MAML2: variants seen among roughly 807,000 people sequenced by gnomAD.
MAML2 encodes mastermind like transcriptional coactivator 2, also known as mastermind-like protein 2.
Under a neutral mutation model 96.1 loss-of-function variants are expected in MAML2, and 22 were observed. That is an observed-to-expected ratio of 0.23 (90% CI 0.16 to 0.33). The LOEUF (loss-of-function observed/expected upper bound fraction) is 0.33, where lower values mean the gene tolerates loss of function less well. MAML2 is among the 10% of genes least tolerant of loss of function. The probability of loss-of-function intolerance (pLI) is 1.00; values close to 1 mark genes in which losing one functional copy is unlikely to be tolerated. For synonymous variants in MAML2, 561 were observed against 521.3 expected (o/e 1.08, Z -1.04); for missense variants, 1,367 against 1,392.4 (o/e 0.98, Z 0.29).
intron 1 of MAML2, among the ~76,000 whole-genome samples, chr11:96,287,538 T>C (rs377557726): frequency 6.6e-6 from 1 of 152,348 alleles, no homozygotes; most frequent in East Asian, 1.9e-4. Context: ...AAAATTTAAT[T>C]TCATATAAAT....
At chr11:96,029,554 T>TA (rs1858577985) in intron 2 of MAML2, among the ~76,000 whole-genome samples, 1 of 152,178 alleles carries the variant, frequency 6.6e-6, no homozygotes, top group African/African-American at 2.4e-5. Context: ...ATAATCTAGA[T>TA]AATGTAGTTT....
intron 1 of MAML2, among the ~76,000 whole-genome samples, chr11:96,120,200 G>A (rs1212665783): frequency 1.3e-5 from 2 of 151,994 alleles, no homozygotes; most frequent in Non-Finnish European, 2.9e-5. Flanking sequence ...CTTGTGATCC[G>A]CCCTCCTCGG....
intron 2 of MAML2, among the ~76,000 whole-genome samples, chr11:95,998,253 G>A (rs1449312706): frequency 6.6e-6 from 1 of 151,648 alleles, no homozygotes; most frequent in Non-Finnish European, 1.5e-5. Context: ...AATCTCCAAA[G>A]TGCACTTTCT....
rs370535220 is a variant in MAML2 at position 96,173,285 on chromosome 11, C to A, written c.514-79768G>T. Among the ~76,000 whole-genome samples the A allele has an allele frequency of 5.3e-5, 8 of 152,036 alleles. No homozygotes were observed. In the East Asian group the frequency reaches 1.2e-3, roughly 22 times the overall value. ...TTTCTCTTTCTACCATGACAGGAAG[C>A]AAGAAAGAAGAAAAAGCATTCTAAA... On this transcript the variant is annotated intron_variant, in intron 1 of 4. Coordinates refer to ENST00000524717, the MANE Select transcript of MAML2 (RefSeq NM_032427.4).
Position 96,068,171 on chromosome 11 carries a change from T to G in MAML2, c.2139+23721A>C, listed in dbSNP as rs572936501. Among the ~76,000 whole-genome samples the G allele has an allele frequency of 3.3e-5, 5 of 152,318 alleles. No individual in the cohort carries two copies. In the South Asian group the frequency reaches 1.0e-3, roughly 32 times the overall value. On this transcript the variant is annotated intron_variant, in intron 2 of 4. Coordinates refer to ENST00000524717, the MANE Select transcript of MAML2 (RefSeq NM_032427.4). Reference sequence around the variant, plus strand: ...CATAATAATGCATATATCACTTCACTTAGGAAATGTCTTTTCTCAATTAAA... The same window carrying G: ...CATAATAATGCATATATCACTTCACGTAGGAAATGTCTTTTCTCAATTAAA...
chr11:96,338,508 T>C (rs1863947764), intron 1 of MAML2, among the ~76,000 whole-genome samples: 1 of 152,246 alleles, frequency 6.6e-6, no homozygotes, highest in African/African-American at 2.4e-5. Flanking sequence ...TATATATTCC[T>C]TGCTGTATAA....
At chr11:96,236,268 C>T (rs1282431779) in intron 1 of MAML2, among the ~76,000 whole-genome samples, 1 of 152,160 alleles carries the variant, frequency 6.6e-6, no homozygotes, top group African/African-American at 2.4e-5. Flanking sequence ...CTTCCAAAAT[C>T]TTCACAACAG....
chr11:96,261,980 A>G (rs1271672654), intron 1 of MAML2, among the ~76,000 whole-genome samples: 2 of 152,168 alleles, frequency 1.3e-5, no homozygotes, highest in South Asian at 4.1e-4. Flanking sequence ...TCAAAGAGTT[A>G]TTTCCCTCCT....
In MAML2 at chr11:95,985,553, C is replaced by T; in HGVS notation, c.2433G>A (p.Met811Ile). 2 of 1,608,476 alleles carry T rather than the reference C, an allele frequency of 1.2e-6. No individual in the cohort carries two copies. The highest frequency in any genetic ancestry group is 2.2e-5 in the South Asian group (2 of 90,490). The change falls in exon 4 of 5, where the codon ATG becomes ATA. Residue 811 changes from methionine (M) to isoleucine (I), a missense_variant. Coordinates refer to ENST00000524717, the MANE Select transcript of MAML2 (RefSeq NM_032427.4). ...YKDQRRNVGN[M>I]QPTAQYSGGS... ...TACCAGAATACTGAGCAGTTGGTTG[C>T]ATATTGCCCACATTTCTTCTTTGGT...
At position 95,979,196 on chromosome 11, in the gene MAML2, C is replaced by T. The variant is rs1857692754; in HGVS notation, c.3223G>A (p.Gly1075Ser). Residue 1075 changes from glycine (G) to serine (S), a missense_variant, in exon 5 of 5, where the codon GGC (glycine) becomes AGC (serine). Transcript: ENST00000524717. ...GTCAGGGATGGTGGCTGGTTGATGC[C>T]CGTCCTCGACTGATTCAACCCTGTT... ...SGTGLNQSRT[G>S]INQPPSLTPS... 2.5e-6 allele frequency: 4 copies of T among 1,613,896 alleles called. No homozygotes were observed. Among genetic ancestry groups the T allele is most frequent in the East Asian group, 2.2e-5 (1 of 44,868 alleles).
intron 1 of MAML2, among the ~76,000 whole-genome samples, chr11:96,112,272 TG>T (rs1266502620): frequency 6.6e-6 from 1 of 152,226 alleles, no homozygotes; most frequent in African/African-American, 2.4e-5. Flanking sequence ...TAAGAGGAAA[TG>T]GGCTTAGGCC....
At chr11:96,169,386 T>C (rs1348652161) in intron 1 of MAML2, among the ~76,000 whole-genome samples, 2 of 152,238 alleles carry the variant, frequency 1.3e-5, no homozygotes, top group African/African-American at 4.8e-5. Flanking sequence ...ACCTGTTCCA[T>C]CTAGCACTTT....
chr11:96,125,714 C>T (rs1165376263), intron 1 of MAML2, among the ~76,000 whole-genome samples: 3 of 152,272 alleles, frequency 2.0e-5, no homozygotes, highest in South Asian at 4.1e-4. Context: ...AGTAAAGGTC[C>T]TCCAGTGAGA....
At chr11:96,283,979 T>C (rs1186197727) in intron 1 of MAML2, among the ~76,000 whole-genome samples, 1 of 152,214 alleles carries the variant, frequency 6.6e-6, no homozygotes, top group East Asian at 1.9e-4. Flanking sequence ...CTGAAAGTAC[T>C]TATCATTTTG....
In MAML2 at chr11:96,065,258, A is replaced by C. The variant is rs113842918; in HGVS notation, c.2139+26634T>G. Among the ~76,000 whole-genome samples the C allele has an allele frequency of 8.3e-3, 1,266 of 152,366 alleles. 15 individuals are homozygous for C. Among genetic ancestry groups the C allele is most frequent in the South Asian group, 0.035 (171 of 4,830 alleles). On this transcript the variant is annotated intron_variant, in intron 2 of 4. Transcript: ENST00000524717. The stretch of plus-strand genomic sequence containing the variant: ...TTTATTCCAAAGCAAATATAAAAAA[A>C]TAGAGAGAAGTTCTTGTAATATACC...
intron 1 of MAML2, among the ~76,000 whole-genome samples, chr11:96,203,566 A>T (rs1861855402): frequency 6.6e-6 from 1 of 152,254 alleles, no homozygotes; most frequent in Non-Finnish European, 1.5e-5. Context: ...TTACAAAAAA[A>T]AGTAAAAGAA....
chr11:96,301,824 A>C (rs1422704746), intron 1 of MAML2, among the ~76,000 whole-genome samples: 1 of 152,246 alleles, frequency 6.6e-6, no homozygotes, highest in Non-Finnish European at 1.5e-5. Flanking sequence ...ACAAATTAAT[A>C]GTACTGGCAA....
At chr11:96,000,701 A>G (rs1858066678) in intron 2 of MAML2, among the ~76,000 whole-genome samples, 1 of 152,214 alleles carries the variant, frequency 6.6e-6, no homozygotes, top group Non-Finnish European at 1.5e-5. Flanking sequence ...AAAACAACTT[A>G]CAGATCTTTC....
chr11:95,978,893 T>C lies in MAML2; in HGVS notation c.*55A>G. ...AACAGTTCAGCCTCTACAGAGTTTCTGTAATATACTGCCTTTTAGTGCTTG... is the reference window on the plus strand; with the variant it reads ...AACAGTTCAGCCTCTACAGAGTTTCCGTAATATACTGCCTTTTAGTGCTTG... On this transcript the variant is annotated 3_prime_UTR_variant, in exon 5 of 5. Coordinates refer to ENST00000524717, the MANE Select transcript of MAML2 (RefSeq NM_032427.4). The C allele has an allele frequency of 6.8e-7, 1 of 1,470,318 alleles. No homozygotes were observed. The highest frequency in any genetic ancestry group is 9.1e-7 in the Non-Finnish European group (1 of 1,097,868). The allele number at this position is 1,470,318 out of a possible 1,614,324, so 91.1% of individuals were successfully genotyped here.
Sources: allele counts gnomAD v4.1 joint callset (sites outside exome capture counted in the v4.1 genomes callset), GRCh38; gene constraint gnomAD v4.1.1; transcripts MANE v1.5; gene names NCBI Gene and HGNC (gene_info 2026-07-23, HGNC 2026-07-21).